Variants in DCAF4 observed in about 807,000 individuals in gnomAD.
DCAF4 encodes DDB1- and CUL4-associated factor 4.
Under a neutral mutation model 60.9 loss-of-function variants are expected in DCAF4, and 37 were observed. The observed-to-expected ratio is 0.61, with a 90% CI of 0.47 to 0.80. The LOEUF (loss-of-function observed/expected upper bound fraction) is 0.80, where lower values mean the gene tolerates loss of function less well. Among genes scored for constraint, DCAF4 ranks in the 30% least tolerant of loss-of-function variants. DCAF4 has a pLI of 0.00. For missense variants in DCAF4, 577 were observed against 650.0 expected (o/e 0.89, Z 1.22); for synonymous variants, 243 against 254.8 (o/e 0.95, Z 0.44).
chr14:72,939,750 T>A (rs1889767948), intron 2 of DCAF4, 52 bp from the exon 3 acceptor site: 1 of 1,515,336 alleles, frequency 6.6e-7, no homozygotes, highest in Non-Finnish European at 9.0e-7. Flanking sequence ...CCCGTCAGAA[T>A]GGCTGGAACT....
At chr14:72,953,472 G>A (rs1029914044) in intron 9 of DCAF4, among the ~76,000 whole-genome samples, 1 of 151,488 alleles carries the variant, frequency 6.6e-6, no homozygotes, top group Non-Finnish European at 1.5e-5. Flanking sequence ...CACTTTGGGA[G>A]GCCAAGGCAG....
intron 11 of DCAF4, 72 bp from the exon 12 acceptor site, chr14:72,955,451 G>A: frequency 1.9e-6 from 3 of 1,548,476 alleles, no homozygotes; most frequent in Non-Finnish European, 2.6e-6. Flanking sequence ...GGTTGTATCA[G>A]GAGGACCTGC....
Position 72,951,827 on chromosome 14 carries a change from C to T in DCAF4, c.758C>T (p.Pro253Leu), listed in dbSNP as rs995886234. ...TGCCTCATGGGACTCGCAGAGACTCCAGGCTGTGCCACCCTGCTCCCAGCA... is the reference window on the plus strand; with the variant it reads ...TGCCTCATGGGACTCGCAGAGACTCTAGGCTGTGCCACCCTGCTCCCAGCA... ...LLCLMGLAET[P>L]GCATLLPASL... The change falls in exon 9 of 14, where the codon CCA (proline) becomes CTA (leucine). Residue 253 changes from proline to leucine, a missense_variant. By Grantham distance (98) the Pro-to-Leu change is moderately conservative (BLOSUM62 -3). Coordinates refer to ENST00000358377, the MANE Select transcript of DCAF4 (RefSeq NM_015604.4). The T allele has an allele frequency of 6.2e-7, 1 of 1,614,008 alleles. No individual in the cohort carries two copies. Among genetic ancestry groups the T allele is most frequent in the Admixed American group, 1.7e-5 (1 of 60,004 alleles).
chr14:72,930,111 G>C (rs1054515981), intron 1 of DCAF4, among the ~76,000 whole-genome samples: 2 of 152,226 alleles, frequency 1.3e-5, no homozygotes, highest in African/African-American at 4.8e-5. Flanking sequence ...AGCCAAAAGG[G>C]GGGTAGGAGG....
At position 72,958,879 on chromosome 14, in the gene DCAF4, T is replaced by A; in HGVS notation, c.*74T>A. The A allele has an allele frequency of 6.7e-7, 1 of 1,502,740 alleles. No individual in the cohort carries two copies. The allele number at this position is 1,502,740 out of a possible 1,614,324, so 93.1% of individuals were successfully genotyped here. On this transcript the variant is annotated 3_prime_UTR_variant, in exon 14 of 14. Transcript: ENST00000358377. ...AAGCGTAACTTTTTACTGCATCTAA[T>A]GAGGGTGTTTTAAGTGACACTCAGT...
At chr14:72,956,589 T>C (rs1892333664) in intron 13 of DCAF4, 89 bp downstream of exon 13, 1 of 1,307,650 alleles carries the variant, frequency 7.6e-7, no homozygotes, top group Admixed American at 2.0e-5. Flanking sequence ...AGGGAAAAGT[T>C]ACCCCAAAAC....
Position 72,928,594 on chromosome 14 carries a change from T to TATATATATAA in DCAF4, c.-9+2060_-9+2061insAATATATATA, listed in dbSNP as rs1278230626. Reference sequence around the variant, plus strand: ...GTGTAGTAAACATCCTTTATATATATATATATATATATATATATATATAGT... The same window carrying TATATATATAA: ...GTGTAGTAAACATCCTTTATATATATATATATATAAATATATATATATATATATATATAGT... On this transcript the variant is annotated intron_variant, in intron 1 of 13. Coordinates refer to ENST00000358377, the MANE Select transcript of DCAF4 (RefSeq NM_015604.4). Among the ~76,000 whole-genome samples, 146 of 7,436 alleles carry TATATATATAA rather than the reference T, an allele frequency of 0.02. No individual in the cohort carries two copies. The East Asian group carries it at 0.47, about 24-fold the overall frequency. 4.9% of individuals were successfully genotyped at this position (7,436 alleles called of 152,430 possible). A position where few individuals can be genotyped will look rare whatever the true frequency, so the allele number is the denominator to read the frequency against.
chr14:72,958,661 A>T lies in DCAF4; in HGVS notation c.1344A>T (p.Leu448=). The T allele has an allele frequency of 6.2e-7, 1 of 1,614,134 alleles. No individual in the cohort carries two copies. The highest frequency in any genetic ancestry group is 1.3e-5 in the African/African-American group (1 of 75,032). Residue 448 remains leucine (L), a synonymous_variant, in exon 14 of 14, where the codon CTA becomes CTT. Coordinates refer to ENST00000358377, the MANE Select transcript of DCAF4 (RefSeq NM_015604.4). ...TCTGGAGCCTCCACGATGCCCGCCT[A>T]CTGAGAACCATACCCTCCCCGTACC... ...TRIWSLHDAR[L]LRTIPSPYPA...
rs1892175247 is a variant in DCAF4 at position 72,955,651 on chromosome 14, C to T, written c.1134C>T (p.Ile378=). 6.2e-7 allele frequency: 1 copy of T among 1,614,008 alleles called. No homozygotes were observed. The highest frequency in any genetic ancestry group is 1.7e-5 in the Admixed American group (1 of 59,992). ...FHDSAVTSVR[I]LQDEQYLMAS... ...ATTCAGCAGTGACCTCTGTGCGGAT[C>T]CTCCAAGATGAGCAATACCTGATGG... Residue 378 remains isoleucine, a synonymous_variant, in exon 12 of 14, where the codon ATC becomes ATT. Coordinates refer to ENST00000358377, the MANE Select transcript of DCAF4 (RefSeq NM_015604.4).
chr14:72,934,674 T>C (rs1889027773), intron 1 of DCAF4, among the ~76,000 whole-genome samples: 1 of 152,122 alleles, frequency 6.6e-6, no homozygotes. Flanking sequence ...CTCCCTTCTC[T>C]CCCACCACAC....
chr14:72,929,824 C>T (rs753336892), intron 1 of DCAF4: 5 of 1,247,872 alleles, frequency 4.0e-6, no homozygotes, highest in East Asian at 2.3e-5. Context: ...AAACTTGGTG[C>T]GTTTGCTCAG....
intron 2 of DCAF4, 100 bp downstream of exon 2, chr14:72,938,170 C>A: frequency 6.9e-7 from 1 of 1,441,282 alleles, no homozygotes; most frequent in African/African-American, 1.4e-5. Context: ...CACCTGGGGG[C>A]TCGTCCCAAT....
chr14:72,953,791 TG>T (rs1891887416), intron 9 of DCAF4, among the ~76,000 whole-genome samples: 1 of 41,560 alleles, frequency 2.4e-5, no homozygotes, highest in Non-Finnish European at 6.0e-5. Flanking sequence ...TTTGTGTGTG[TG>T]TGTGTGTGTG....
chr14:72,938,404 T>G (rs975420659), intron 2 of DCAF4, among the ~76,000 whole-genome samples: 1 of 152,260 alleles, frequency 6.6e-6, no homozygotes, highest in Admixed American at 6.5e-5. Flanking sequence ...TTTCTCCATT[T>G]TGTAGACTTT....
chr14:72,945,907 C>T lies in DCAF4; in HGVS notation c.558C>T (p.Leu186=), dbSNP rs1283074235. Residue 186 remains leucine (L), a synonymous_variant, in exon 7 of 14, where the codon CTC becomes CTT. Coordinates refer to ENST00000358377, the MANE Select transcript of DCAF4 (RefSeq NM_015604.4). ...AGGCAGATACCAACAGTGACCGGCTCTTCACAGTGAACGATGTTAAAGTTG... is the reference window on the plus strand; with the variant it reads ...AGGCAGATACCAACAGTGACCGGCTTTTCACAGTGAACGATGTTAAAGTTG... ...LILADTNSDR[L]FTVNDVKVGG... The T allele has an allele frequency of 6.2e-7, 1 of 1,614,210 alleles. No individual in the cohort carries two copies. Among genetic ancestry groups the T allele is most frequent in the East Asian group, 2.2e-5 (1 of 44,880 alleles).
intron 1 of DCAF4, 176 bp from the exon 2 acceptor site, chr14:72,937,794 TG>T: frequency 1.9e-6 from 1 of 519,682 alleles, no homozygotes; most frequent in Non-Finnish European, 2.5e-6. Flanking sequence ...GGAAGGATGT[TG>T]GGGGAGTGCT....
At chr14:72,946,099 G>C (rs1367314813) in intron 7 of DCAF4, 72 bp downstream of exon 7, 1 of 1,564,216 alleles carries the variant, frequency 6.4e-7, no homozygotes. Flanking sequence ...CAGGGTAGAG[G>C]AGAGCAACTG....
chr14:72,954,209 C>T lies in DCAF4; in HGVS notation c.854C>T (p.Ala285Val). The T allele has an allele frequency of 6.2e-7, 1 of 1,614,182 alleles. No homozygotes were observed. The highest frequency in any genetic ancestry group is 8.5e-7 in the Non-Finnish European group (1 of 1,180,032). ...GMLCSFRIPG[A>V]WSCAWSLNIQ... ...CTCTGCAGTTTCCGGATCCCTGGTG[C>T]CTGGTCCTGTGCCTGGTCCCTGAAT... Residue 285 changes from alanine to valine, a missense_variant, in exon 10 of 14, where the codon GCC becomes GTC. Physicochemically the swap from Ala to Val is moderately conservative, Grantham distance 64. Transcript: ENST00000358377.
intron 1 of DCAF4, 138 bp from the exon 2 acceptor site, chr14:72,937,833 G>A (rs958861889): frequency 2.9e-5 from 39 of 1,327,908 alleles, no homozygotes; most frequent in Non-Finnish European, 3.8e-5. Context: ...GGTAAGGCTT[G>A]CTGTGGCAAA....
Sources: allele counts gnomAD v4.1 joint callset (sites outside exome capture counted in the v4.1 genomes callset), GRCh38; gene constraint gnomAD v4.1.1; transcripts MANE v1.5; gene names NCBI Gene and HGNC (gene_info 2026-07-23, HGNC 2026-07-21).